Variants in NKAIN3 observed in about 807,000 individuals in gnomAD.
NKAIN3 encodes the protein sodium/potassium transporting ATPase interacting 3.
A neutral mutation model predicts 30.2 loss-of-function variants in NKAIN3; 25 were observed. The observed-to-expected ratio is 0.83, with a 90% CI of 0.60 to 1.16. The LOEUF (loss-of-function observed/expected upper bound fraction) is 1.16. Among genes scored for constraint, NKAIN3 ranks in the 50% most tolerant of loss-of-function variants. The pLI, the probability that NKAIN3 is intolerant of heterozygous loss-of-function variation, is 0.00. For missense variants in NKAIN3, 225 were observed against 254.1 expected (o/e 0.89, Z 0.78); for synonymous variants, 91 against 89.6 (o/e 1.02, Z -0.09).
At chr8:62,402,625 G>T (rs1012271480) in intron 1 of NKAIN3, among the ~76,000 whole-genome samples, 1 of 152,102 alleles carries the variant, frequency 6.6e-6, no homozygotes, top group African/African-American at 2.4e-5. Context: ...CCGTCCTGCC[G>T]CCCTGTGAAG....
At position 62,966,209 on chromosome 8, in the gene NKAIN3, A is replaced by C; in HGVS notation, c.*802A>C. On this transcript the variant is annotated 3_prime_UTR_variant, in exon 7 of 7. Coordinates refer to ENST00000623646, the MANE Select transcript of NKAIN3 (RefSeq NM_001304533.3). ...CATGGGCTTGTGGGACAGAAATCAC[A>C]AACATAGACCTGCAGTCAGGAACTT... is the stretch of plus-strand genomic sequence containing the variant. 5.1e-6 allele frequency: 5 copies of C among 985,246 alleles called. No individual in the cohort carries two copies. Among genetic ancestry groups the C allele is most frequent in the Non-Finnish European group, 6.0e-6 (5 of 829,792 alleles). 61.0% of individuals were successfully genotyped at this position (985,246 alleles called of 1,614,324 possible).
intron 4 of NKAIN3, among the ~76,000 whole-genome samples, chr8:62,751,027 C>T (rs1317958709): frequency 6.6e-6 from 1 of 152,152 alleles, no homozygotes; most frequent in Non-Finnish European, 1.5e-5. Context: ...CAGTCACGTT[C>T]CTTCCGATCA....
chr8:62,846,999 G>C (rs1185866378), intron 4 of NKAIN3, among the ~76,000 whole-genome samples: 2 of 152,122 alleles, frequency 1.3e-5, no homozygotes, highest in Admixed American at 1.3e-4. Flanking sequence ...CTGCCCCCGT[G>C]ATTCAATTAT....
rs7839554 is a variant in NKAIN3, at chr8:62,583,292, G to A, written c.192+3616G>A. Among the ~76,000 whole-genome samples the A allele has an allele frequency of 9.8e-4, 149 of 152,054 alleles. 2 individuals carry two copies. Among genetic ancestry groups the A allele is most frequent in the African/African-American group, 3.3e-3 (135 of 41,458 alleles). On this transcript the variant is annotated intron_variant, in intron 2 of 6. Transcript: ENST00000623646. ...CCTCTCTCCCTCCTCCCTCCTATGC[G>A]TAGAGGAAGGCAGTTTTAGGTCTTT...
At chr8:62,461,377 G>A (rs1345494923) in intron 1 of NKAIN3, among the ~76,000 whole-genome samples, 1 of 152,174 alleles carries the variant, frequency 6.6e-6, no homozygotes, top group Non-Finnish European at 1.5e-5. Flanking sequence ...TCCCAGAGTT[G>A]CCACATTACC....
chr8:62,843,425 C>A (rs1289749909), intron 4 of NKAIN3, among the ~76,000 whole-genome samples: 1 of 151,872 alleles, frequency 6.6e-6, no homozygotes, highest in African/African-American at 2.4e-5. Flanking sequence ...CAACCTCCAC[C>A]TCACTCATTC....
chr8:62,784,794 A>G (rs1208109145), intron 4 of NKAIN3, among the ~76,000 whole-genome samples: 1 of 152,130 alleles, frequency 6.6e-6, no homozygotes. Context: ...AGGCCACAAA[A>G]AGACGTCACA....
chr8:62,458,858 T>C (rs548431535), intron 1 of NKAIN3, among the ~76,000 whole-genome samples: 33 of 152,358 alleles, frequency 2.2e-4, no homozygotes, highest in African/African-American at 7.7e-4. Flanking sequence ...GTGCCCCTTC[T>C]GGGCTGTAGG....
chr8:62,976,314 A>G lies in NKAIN3; in HGVS notation c.*10907A>G, dbSNP rs867267735. 6.6e-6 allele frequency among the ~76,000 whole-genome samples: 1 copy of G among 152,124 alleles called. No individual in the cohort carries two copies. Among genetic ancestry groups the G allele is most frequent in the South Asian group, 2.1e-4 (1 of 4,828 alleles). On this transcript the variant is annotated 3_prime_UTR_variant, in exon 7 of 7. Coordinates refer to ENST00000623646, the MANE Select transcript of NKAIN3 (RefSeq NM_001304533.3). ...AAGTCTCCCACTATTATTGTGTGGT[A>G]GTCTAAGTCTCTTTGTAGGTCTCTA...
At chr8:62,993,396 A>T (rs1234920681) in intron 5 of NKAIN3, among the ~76,000 whole-genome samples, 2 of 152,194 alleles carry the variant, frequency 1.3e-5, no homozygotes. Flanking sequence ...AAATTAGGAG[A>T]AAAAGAAAAT....
rs6986767 is a variant in NKAIN3 at position 62,251,231 on chromosome 8, T to C, written c.54+2104T>C. Among the ~76,000 whole-genome samples, 746 of 152,222 alleles carry C rather than the reference T, an allele frequency of 4.9e-3. 8 individuals are homozygous for C. The highest frequency in any genetic ancestry group is 0.017 in the African/African-American group (717 of 41,558). ...TTTTCCATAATCAAGAGTTTTTGGA[T>C]GGTAGAAATATTGGGGTGATGGTAA... On this transcript the variant is annotated intron_variant, in intron 1 of 6. Transcript: ENST00000623646.
intron 1 of NKAIN3, chr8:62,344,805 A>G (rs975909667): frequency 9.3e-6 from 4 of 428,912 alleles, no homozygotes; most frequent in South Asian, 5.1e-5. Context: ...TTGTAGTTCC[A>G]TATGAATTTT....
rs181371482 is a variant in NKAIN3, at chr8:62,965,651, T to C, written c.*244T>C. The C allele has an allele frequency of 0.021, 20,353 of 975,710 alleles. 259 individuals are homozygous for C. The highest frequency in any genetic ancestry group is 0.028 in the South Asian group (597 of 21,068). 60.4% of individuals were successfully genotyped at this position (975,710 alleles called of 1,614,324 possible). On this transcript the variant is annotated 3_prime_UTR_variant, in exon 7 of 7. Transcript: ENST00000623646. ...AAAAAAAAAAAGAAAAAACAGAATT[T>C]GGTTTTAAATTTTTAACAATATTTA...
In NKAIN3 at chr8:62,545,600, G is replaced by A. The variant is rs1031666990; in HGVS notation, c.55-33939G>A. On this transcript the variant is annotated intron_variant, in intron 1 of 6. Coordinates refer to ENST00000623646, the MANE Select transcript of NKAIN3 (RefSeq NM_001304533.3). ...AATAATGAAATAAATAAATAAATCA[G>A]CACACCTTCTATCTCACTGCATATA... is the stretch of plus-strand genomic sequence containing the variant. Among the ~76,000 whole-genome samples, 7 of 152,108 alleles carry A rather than the reference G, an allele frequency of 4.6e-5. No homozygotes were observed. The South Asian group carries it at 1.5e-3, about 32-fold the overall frequency.
At chr8:62,409,982 A>G (rs1804190874) in intron 1 of NKAIN3, among the ~76,000 whole-genome samples, 2 of 152,020 alleles carry the variant, frequency 1.3e-5, no homozygotes, top group South Asian at 4.1e-4. Context: ...ATGAGTTTTT[A>G]TTTTTTTCAA....
intron 3 of NKAIN3, among the ~76,000 whole-genome samples, chr8:62,716,307 C>A (rs1814902233): frequency 1.3e-5 from 2 of 152,062 alleles, no homozygotes; most frequent in African/African-American, 2.4e-5. Context: ...TTTTAAGAAT[C>A]AAATATGATA....
intron 1 of NKAIN3, among the ~76,000 whole-genome samples, chr8:62,347,972 G>A (rs192755194): frequency 4.6e-4 from 70 of 152,202 alleles, no homozygotes; most frequent in African/African-American, 1.6e-3. Flanking sequence ...GAATTGTCAG[G>A]CCTTAAATGA....
intron 1 of NKAIN3, among the ~76,000 whole-genome samples, chr8:62,557,935 G>A (rs1220909336): frequency 1.3e-5 from 2 of 152,020 alleles, no homozygotes; most frequent in African/African-American, 4.8e-5. Context: ...ATTTTTCTTT[G>A]TTTTTATTGC....
intron 4 of NKAIN3, among the ~76,000 whole-genome samples, chr8:62,789,599 A>G (rs575236214): frequency 2.0e-5 from 3 of 151,840 alleles, no homozygotes; most frequent in African/African-American, 7.2e-5. Context: ...AGAAGAATCA[A>G]ATAGATGCAA....
Sources: allele counts gnomAD v4.1 joint callset (sites outside exome capture counted in the v4.1 genomes callset), GRCh38; gene constraint gnomAD v4.1.1; transcripts MANE v1.5; gene names NCBI Gene and HGNC (gene_info 2026-07-23, HGNC 2026-07-21).